Variants in EML5 observed in about 807,000 individuals in gnomAD.
EML5 encodes echinoderm microtubule-associated protein-like 5.
Under a neutral mutation model 250.0 loss-of-function variants are expected in EML5, and 120 were observed. The ratio of observed to expected loss-of-function variants is 0.48; its 90% CI spans 0.41 to 0.56. EML5 has a LOEUF of 0.56. EML5 is among the 20% of genes least tolerant of loss of function. The pLI is 0.00. For missense variants in EML5, 2,006 were observed against 2,437.6 expected (o/e 0.82, Z 3.73); for synonymous variants, 771 against 806.5 (o/e 0.96, Z 0.75).
chr14:88,779,830 T>C (rs1174636949), intron 1 of EML5, among the ~76,000 whole-genome samples: 1 of 152,200 alleles, frequency 6.6e-6, no homozygotes, highest in Non-Finnish European at 1.5e-5. Flanking sequence ...GGTTAAAAAA[T>C]GCATATATGA....
At chr14:88,687,723 T>C (rs1188431229) in intron 18 of EML5, among the ~76,000 whole-genome samples, 2 of 151,552 alleles carry the variant, frequency 1.3e-5, no homozygotes, top group African/African-American at 2.4e-5. Flanking sequence ...TTTTGACACA[T>C]AGTATGAGCT....
intron 13 of EML5, among the ~76,000 whole-genome samples, chr14:88,704,331 G>A (rs1358899742): frequency 6.6e-6 from 1 of 152,106 alleles, no homozygotes; most frequent in Admixed American, 6.6e-5. Context: ...ATGAGTAAAA[G>A]CTTCTTGAGG....
chr14:88,792,299 C>T lies in EML5; in HGVS notation c.197+8G>A. On this transcript the variant is annotated splice_region_variant and intron_variant, in intron 1 of 43. Transcript: ENST00000554922. This position sits in a 1 kb window ranked among gnomAD's most constrained non-coding sequence, Gnocchi z 6.9. ...AGGGTGACGGCGGCGGCCCCCGCTC[C>T]CCGGTACCTGATGATGTCGTCGCTG... is the stretch of plus-strand genomic sequence containing the variant. The T allele has an allele frequency of 1.3e-6, 2 of 1,549,654 alleles. No individual in the cohort carries two copies. The highest frequency in any genetic ancestry group is 1.7e-6 in the Non-Finnish European group (2 of 1,148,834).
At chr14:88,689,211 A>G (rs2092904746) in intron 17 of EML5, among the ~76,000 whole-genome samples, 1 of 152,212 alleles carries the variant, frequency 6.6e-6, no homozygotes, top group Admixed American at 6.5e-5. Context: ...CTTCTATACA[A>G]GTGCAAGAGT....
At chr14:88,755,702 CAG>C (rs2140393088) in intron 1 of EML5, among the ~76,000 whole-genome samples, 1 of 152,190 alleles carries the variant, frequency 6.6e-6, no homozygotes, top group African/African-American at 2.4e-5. Context: ...GATATTAAAA[CAG>C]AATCAAGGCT....
chr14:88,677,187 G>A (rs1282515537), intron 21 of EML5, among the ~76,000 whole-genome samples: 1 of 152,056 alleles, frequency 6.6e-6, no homozygotes, highest in Non-Finnish European at 1.5e-5. Context: ...TTACAGGAAT[G>A]AGCCACCACA....
Position 88,613,808 on chromosome 14 carries a change from C to A in EML5, c.*2010G>T, listed in dbSNP as rs1275044840. 1.3e-5 allele frequency: 2 copies of A among 152,188 alleles called. No homozygotes were observed. Among genetic ancestry groups the A allele is most frequent in the Admixed American group, 6.5e-5 (1 of 15,274 alleles). The allele number at this position is 152,188 out of a possible 1,614,324, so 9.4% of individuals were successfully genotyped here. On this transcript the variant is annotated 3_prime_UTR_variant, in exon 44 of 44. Transcript: ENST00000554922. ...CACAATCAGGAGCTTAGATACTGCACACAAAAATAATTATCTGGGTTAAAA... is the reference window on the plus strand; with the variant it reads ...CACAATCAGGAGCTTAGATACTGCAAACAAAAATAATTATCTGGGTTAAAA...
chr14:88,667,280 TCTC>T (rs549516140), intron 21 of EML5, among the ~76,000 whole-genome samples: 7 of 152,238 alleles, frequency 4.6e-5, no homozygotes, highest in African/African-American at 7.2e-5. Flanking sequence ...TTGACTTTTC[TCTC>T]CTTTTTCTCC....
In EML5 at chr14:88,712,356, T is replaced by C; in HGVS notation, c.1572A>G (p.Val524=). The C allele has an allele frequency of 6.2e-7, 1 of 1,612,870 alleles. No individual in the cohort carries two copies. The highest frequency in any genetic ancestry group is 8.5e-7 in the Non-Finnish European group (1 of 1,179,026). ...AAACTTGGCCAATATAATTTCCATC[T>C]ACTGAATTTATATCGTTGATATCTG... The part of the protein sequence containing the change: ...KYSDINDINS[V]DGNYIGQVLV... The change falls in exon 10 of 44, where the codon GTA becomes GTG. Residue 524 remains valine (V), a synonymous_variant. Transcript: ENST00000554922.
chr14:88,712,418 A>C lies in EML5; in HGVS notation c.1510T>G (p.Ser504Ala). Residue 504 changes from serine to alanine, a missense_variant, in exon 10 of 44, where the codon TCA (serine) becomes GCA (alanine). Transcript: ENST00000554922. ...GVHWASWTCVSGLEVNGIWPK... is the reference protein window; with the variant it reads ...GVHWASWTCVAGLEVNGIWPK... The stretch of plus-strand genomic sequence containing the variant: ...CAAATTCCATTTACTTCAAGGCCTG[A>C]AACACATGTCCATGAAGCCCAATGA... The C allele has an allele frequency of 6.2e-7, 1 of 1,613,696 alleles. No homozygotes were observed. Among genetic ancestry groups the C allele is most frequent in the Non-Finnish European group, 8.5e-7 (1 of 1,179,736 alleles).
chr14:88,788,367 G>T (rs1159748707), intron 1 of EML5, among the ~76,000 whole-genome samples: 1 of 151,938 alleles, frequency 6.6e-6, no homozygotes, highest in Non-Finnish European at 1.5e-5. Context: ...CACAAATAAA[G>T]AAAATAGCTT....
chr14:88,730,773 C>T (rs2093743339), intron 7 of EML5, among the ~76,000 whole-genome samples: 2 of 151,914 alleles, frequency 1.3e-5, no homozygotes, highest in South Asian at 2.1e-4. Context: ...TTCAATGCAA[C>T]CTAAATTGGA....
chr14:88,764,920 T>C (rs973108560), intron 1 of EML5, among the ~76,000 whole-genome samples: 2 of 152,206 alleles, frequency 1.3e-5, no homozygotes, highest in African/African-American at 4.8e-5. Flanking sequence ...TGTTTTATAA[T>C]ATATAGCCTA....
intron 27 of EML5, among the ~76,000 whole-genome samples, chr14:88,655,448 C>T (rs2091832729): frequency 6.6e-6 from 1 of 152,108 alleles, no homozygotes; most frequent in Non-Finnish European, 1.5e-5. Flanking sequence ...AACTGGACCC[C>T]TTCCTTATAC....
intron 38 of EML5, 92 bp downstream of exon 38, chr14:88,621,021 T>C: frequency 6.7e-7 from 1 of 1,482,208 alleles, no homozygotes; most frequent in African/African-American, 1.4e-5. Flanking sequence ...CTCAACAGAA[T>C]TCTGGCAGTT....
intron 31 of EML5, 118 bp downstream of exon 31, chr14:88,642,775 G>T (rs2091138415): frequency 1.1e-6 from 1 of 941,160 alleles, no homozygotes; most frequent in Non-Finnish European, 1.6e-6. Flanking sequence ...TTTTATTCTG[G>T]AGTGTTTCTC....
At chr14:88,780,949 C>G (rs1476348650) in intron 1 of EML5, among the ~76,000 whole-genome samples, 1 of 152,154 alleles carries the variant, frequency 6.6e-6, no homozygotes, top group Non-Finnish European at 1.5e-5. Flanking sequence ...CTATAAAATA[C>G]CTTCACAGCT....
chr14:88,732,783 G>C (rs2093780785), intron 7 of EML5, among the ~76,000 whole-genome samples: 1 of 152,172 alleles, frequency 6.6e-6, no homozygotes, highest in Non-Finnish European at 1.5e-5. Flanking sequence ...TCAGAACCAA[G>C]ATTGAAATTT....
intron 3 of EML5, 80 bp from the exon 4 acceptor site, chr14:88,744,171 CA>C: frequency 1.1e-6 from 1 of 874,142 alleles, no homozygotes. Flanking sequence ...CCAAATGGCC[CA>C]AACTCCTAAT....
Sources: gnomAD v4.1 joint callset for allele counts (sites outside exome capture counted in the v4.1 genomes callset) on GRCh38, gnomAD v4.1.1 for gene constraint, Gnocchi (gnomAD v3.1) non-coding constraint, MANE v1.5 for transcripts, NCBI Gene and HGNC (gene_info 2026-07-23, HGNC 2026-07-21) for gene names.